The following CELSR1 variants were observed in gnomAD, a reference collection of about 807,000 sequenced individuals.
The protein encoded by CELSR1 is cadherin EGF LAG seven-pass G-type receptor 1.
A neutral mutation model predicts 249.1 loss-of-function variants in CELSR1; 110 were observed. The ratio of observed to expected loss-of-function variants is 0.44; its 90% confidence interval spans 0.38 to 0.52. CELSR1 has a LOEUF of 0.52. CELSR1 is among the 20% of genes least tolerant of loss of function. CELSR1 has a pLI of 0.00. For missense variants in CELSR1, 4,109 were observed against 4,296.4 expected (o/e 0.96, Z 1.22); for synonymous variants, 2,113 against 1,900.0 (o/e 1.11, Z -2.92).
Position 46,393,279 on chromosome 22 carries a change from A to G in CELSR1, c.5964+863T>C, listed in dbSNP as rs1424945577. Among the ~76,000 whole-genome samples the G allele has an allele frequency of 1.3e-5, 2 of 152,208 alleles. No individual in the cohort carries two copies. The highest frequency in any genetic ancestry group is 1.9e-4 in the East Asian group (1 of 5,196). ...CTGAGAGGGCTGGGGAGGGGTCCCT[A>G]GAGTCTGCACTGAGAACGCGTGTGC... On this transcript the variant is annotated intron_variant, in intron 14 of 34. Coordinates refer to ENST00000674500, the MANE Select transcript of CELSR1 (RefSeq NM_001378328.1). This position sits in a 1 kb window ranked among gnomAD's most constrained non-coding sequence, Gnocchi z 4.1.
chr22:46,506,306 GC>G lies in CELSR1; in HGVS notation c.3544+27320del, dbSNP rs1353254614. Among the ~76,000 whole-genome samples, 1 of 152,200 alleles carries G rather than the reference GC, an allele frequency of 6.6e-6. No individual in the cohort carries two copies. ...CCTCCAAGCCTGGCACCTCCACCGTGCCTGGCCTGGGGGAGCAGCAGAGCCC... is the reference window on the plus strand; with the variant it reads ...CCTCCAAGCCTGGCACCTCCACCGTGCTGGCCTGGGGGAGCAGCAGAGCCC... On this transcript the variant is annotated intron_variant, in intron 1 of 34. Transcript: ENST00000674500. This position sits in a 1 kb window ranked among gnomAD's most constrained non-coding sequence, Gnocchi z 4.1.
At chr22:46,371,542 CCACTCACTCATCCCATCCACCCACTG>C (rs2147182223) in intron 25 of CELSR1, among the ~76,000 whole-genome samples, 1 of 152,194 alleles carries the variant, frequency 6.6e-6, no homozygotes, top group Non-Finnish European at 1.5e-5. Context: ...ATTCATTCAT[CCACTCACTCATCCCATCCACCCACTG>C]CACCCACCCA....
At position 46,471,286 on chromosome 22, in the gene CELSR1, A is replaced by G. The variant is rs979651579; in HGVS notation, c.3545-6941T>C. ...TTGTTTTTATAAAACTTAATTTTGA[A>G]ACAGTTTTAGATTTACAAAAAAATT... is the stretch of plus-strand genomic sequence containing the variant. On this transcript the variant is annotated intron_variant, in intron 1 of 34. Coordinates refer to ENST00000674500, the MANE Select transcript of CELSR1 (RefSeq NM_001378328.1). The surrounding 1 kb of genome is among the most constrained non-coding windows in gnomAD (Gnocchi z 4.9). Among the ~76,000 whole-genome samples, 16 of 152,160 alleles carry G rather than the reference A, an allele frequency of 1.1e-4. No individual in the cohort carries two copies. The highest frequency in any genetic ancestry group is 3.1e-4 in the African/African-American group (13 of 41,442).
At chr22:46,475,662 G>GGGT (rs1364895086) in intron 1 of CELSR1, among the ~76,000 whole-genome samples, 6 of 150,302 alleles carry the variant, frequency 4.0e-5, no homozygotes, top group African/African-American at 9.7e-5. Flanking sequence ...AAACGAATGG[G>GGGT]GGGGGAAGAA....
chr22:46,386,793 G>A lies in CELSR1; in HGVS notation c.6556-208C>T, dbSNP rs191973893. On this transcript the variant is annotated intron_variant, in intron 18 of 34. Coordinates refer to ENST00000674500, the MANE Select transcript of CELSR1 (RefSeq NM_001378328.1). Reference sequence around the variant, plus strand: ...TTTGAGACACACTTCCGCTCTTGTCGCCCAGGCTGGAATGCAGTGGTGTCA... The same window carrying A: ...TTTGAGACACACTTCCGCTCTTGTCACCCAGGCTGGAATGCAGTGGTGTCA... 4.9e-3 allele frequency among the ~76,000 whole-genome samples: 747 copies of A among 151,950 alleles called. 1 individual carries two copies. Among genetic ancestry groups the A allele is most frequent in the Non-Finnish European group, 7.5e-3 (511 of 67,968 alleles).
chr22:46,367,852 G>A lies in CELSR1; in HGVS notation c.7956C>T (p.Ser2652=), dbSNP rs2078804312. 4 of 1,609,282 alleles carry A rather than the reference G, an allele frequency of 2.5e-6. No homozygotes were observed. The highest frequency in any genetic ancestry group is 1.1e-5 in the South Asian group (1 of 89,990). The change falls in exon 28 of 35, where the codon TCC becomes TCT. Residue 2652 remains serine (S), a synonymous_variant. Transcript: ENST00000674500. ...GCAGGAGGAATGCGGTCCTCAGCAG[G>A]GAGCTGCGGGAGGGCAGGATCAGGC... ...HHYYGKKGIV[S]LLRTAFLLLL...
rs374670122 is a variant in CELSR1 at position 46,385,928 on chromosome 22, T to C, written c.6739+474A>G. Among the ~76,000 whole-genome samples, 1,045 of 149,432 alleles carry C rather than the reference T, an allele frequency of 7.0e-3. 13 individuals are homozygous for C. The highest frequency in any genetic ancestry group is 0.025 in the African/African-American group (971 of 39,422). On this transcript the variant is annotated intron_variant, in intron 19 of 34. Coordinates refer to ENST00000674500, the MANE Select transcript of CELSR1 (RefSeq NM_001378328.1). ...TCCTGACCCTGTGATCCGCCCACCT[T>C]GGCCTCCCAAATTGCTGGGATTACA...
Position 46,405,559 on chromosome 22 carries a change from T to A in CELSR1, c.5226+3437A>T, listed in dbSNP as rs553080672. ...GATCAGTGATAAAAGTGATGTTATA[T>A]CTACAAACAAAAGTGATATCCACAG... On this transcript the variant is annotated intron_variant, in intron 9 of 34. Coordinates refer to ENST00000674500, the MANE Select transcript of CELSR1 (RefSeq NM_001378328.1). Among the ~76,000 whole-genome samples, 57 of 152,178 alleles carry A rather than the reference T, an allele frequency of 3.7e-4. 1 individual carries two copies. In the South Asian group the frequency reaches 0.011, roughly 29 times the overall value.
rs1396999543 is a variant in CELSR1, at chr22:46,409,462, G to A, written c.5059+293C>T. Among the ~76,000 whole-genome samples, 1 of 152,166 alleles carries A rather than the reference G, an allele frequency of 6.6e-6. No homozygotes were observed. On this transcript the variant is annotated intron_variant, in intron 8 of 34. Coordinates refer to ENST00000674500, the MANE Select transcript of CELSR1 (RefSeq NM_001378328.1). This position sits in a 1 kb window ranked among gnomAD's most constrained non-coding sequence, Gnocchi z 9.8. ...GGCTTGACAGGAGGCAGACGGGGGC[G>A]GGTTCAGGATCCCTGGGCTCCGTGG...
chr22:46,399,950 A>T lies in CELSR1; in HGVS notation c.5227-48T>A. Reference sequence around the variant, plus strand: ...GACTGATTGGTACAATGACAATGAAAGAGAAAACATTTTGCAGTCACTTAA... The same window carrying T: ...GACTGATTGGTACAATGACAATGAATGAGAAAACATTTTGCAGTCACTTAA... On this transcript the variant is annotated intron_variant, in intron 9 of 34. Transcript: ENST00000674500. The surrounding 1 kb of genome is among the most constrained non-coding windows in gnomAD (Gnocchi z 5.0). 5.7e-6 allele frequency: 9 copies of T among 1,579,302 alleles called. No homozygotes were observed. The highest frequency in any genetic ancestry group is 6.9e-6 in the Non-Finnish European group (8 of 1,154,326).
At chr22:46,384,182 C>G (rs955470587) in intron 20 of CELSR1, among the ~76,000 whole-genome samples, 3 of 151,062 alleles carry the variant, frequency 2.0e-5, no homozygotes, top group Non-Finnish European at 4.4e-5. Flanking sequence ...GTGATCTGCC[C>G]GCCTCGGCCT....
At position 46,535,773 on chromosome 22, in the gene CELSR1, G is replaced by T. The variant is rs571227655; in HGVS notation, c.1398C>A (p.Val466=). The change falls in exon 1 of 35, where the codon GTC becomes GTA. Residue 466 remains valine, a synonymous_variant. Coordinates refer to ENST00000674500, the MANE Select transcript of CELSR1 (RefSeq NM_001378328.1). ...TGAGCCCCACGTCCTCGGGCACCTG[G>T]ACCACGTAGTTCTGCTCGCTGAACT... is the stretch of plus-strand genomic sequence containing the variant. ...YPQFSEQNYV[V]QVPEDVGLNT... 2.8e-5 allele frequency: 45 copies of T among 1,612,486 alleles called. No individual in the cohort carries two copies. The South Asian group carries it at 4.7e-4, about 17-fold the overall frequency.
In CELSR1 at chr22:46,408,772, G is replaced by GGGCCCCAGGGTTGGCCC. The variant is rs1311301265; in HGVS notation, c.5226+207_5226+223dup. ...ACCAGAACTGCCGCTGAGCTCTGCTGGGCCCCAGGGTTGGCCCAGCCCCAT... is the reference window on the plus strand; with the variant it reads ...ACCAGAACTGCCGCTGAGCTCTGCTGGGCCCCAGGGTTGGCCCGGCCCCAGGGTTGGCCCAGCCCCAT... On this transcript the variant is annotated intron_variant, in intron 9 of 34. Transcript: ENST00000674500. The surrounding 1 kb of genome is among the most constrained non-coding windows in gnomAD (Gnocchi z 4.6). Among the ~76,000 whole-genome samples the GGGCCCCAGGGTTGGCCC allele has an allele frequency of 6.6e-6, 1 of 152,196 alleles. No homozygotes were observed. Among genetic ancestry groups the GGGCCCCAGGGTTGGCCC allele is most frequent in the East Asian group, 1.9e-4 (1 of 5,182 alleles).
chr22:46,385,093 A>C (rs1485265284), intron 19 of CELSR1, among the ~76,000 whole-genome samples: 1 of 151,320 alleles, frequency 6.6e-6, no homozygotes, highest in Non-Finnish European at 1.5e-5. Flanking sequence ...CGCCCAGCCT[A>C]TTTACTTATA....
Position 46,411,688 on chromosome 22 carries a change from A to G in CELSR1, c.4683T>C (p.Asp1561=), listed in dbSNP as rs147486726. ...AGCGCACAGCCATGGTTGTGTCACA[A>G]TCATCCACTGTCACCACGGCCATCT... ...GEKMAVVTVD[D]CDTTMAVRFG... The change falls in exon 6 of 35, where the codon GAT becomes GAC. Residue 1561 remains aspartate (D), a synonymous_variant. Transcript: ENST00000674500. The surrounding 1 kb of genome is among the most constrained non-coding windows in gnomAD (Gnocchi z 4.2). The G allele has an allele frequency of 2.3e-4, 365 of 1,614,208 alleles. 1 individual carries two copies. The African/African-American group carries it at 3.9e-3, about 17-fold the overall frequency.
At chr22:46,499,604 G>C (rs1389079544) in intron 1 of CELSR1, among the ~76,000 whole-genome samples, 3 of 152,144 alleles carry the variant, frequency 2.0e-5, no homozygotes, top group African/African-American at 7.2e-5. Flanking sequence ...GCAAAGACTT[G>C]TCCCAAGGAC....
Position 46,366,585 on chromosome 22 carries a change from GCTGGGCCCCTGC to G in CELSR1, c.8206-117_8206-106del, listed in dbSNP as rs1401294036. 5.4e-6 allele frequency: 5 copies of G among 920,378 alleles called. No individual in the cohort carries two copies. In the Admixed American group the frequency reaches 8.3e-5, roughly 15 times the overall value. The allele number at this position is 920,378 out of a possible 1,614,324, so 57.0% of individuals were successfully genotyped here. A position where few individuals can be genotyped will look rare whatever the true frequency, so the allele number is the denominator to read the frequency against. ...GCAAGCCCCCCACACCCACACCCTG[GCTGGGCCCCTGC>G]CTGGCACACAGGAGGAGCTGGCCCC... On this transcript the variant is annotated intron_variant, in intron 29 of 34. Transcript: ENST00000674500.
chr22:46,409,650 G>T lies in CELSR1; in HGVS notation c.5059+105C>A. The T allele has an allele frequency of 7.2e-7, 1 of 1,387,492 alleles. No homozygotes were observed. The highest frequency in any genetic ancestry group is 1.0e-6 in the Non-Finnish European group (1 of 997,700). The allele number at this position is 1,387,492 out of a possible 1,614,324, so 85.9% of individuals were successfully genotyped here. Reference sequence around the variant, plus strand: ...AATGCAGCATATACCACCAGAGGCTGCCGGACCTGGATGTGAAGCCCCCTC... The same window carrying T: ...AATGCAGCATATACCACCAGAGGCTTCCGGACCTGGATGTGAAGCCCCCTC... On this transcript the variant is annotated intron_variant, in intron 8 of 34. Coordinates refer to ENST00000674500, the MANE Select transcript of CELSR1 (RefSeq NM_001378328.1). The surrounding 1 kb of genome is among the most constrained non-coding windows in gnomAD (Gnocchi z 9.8).
intron 29 of CELSR1, among the ~76,000 whole-genome samples, chr22:46,366,696 CAG>C (rs2078786861): frequency 6.6e-6 from 1 of 152,208 alleles, no homozygotes; most frequent in African/African-American, 2.4e-5. Context: ...GCGCTGTGGT[CAG>C]GGGCTGCCGC....
Sources: allele counts gnomAD v4.1 joint callset (sites outside exome capture counted in the v4.1 genomes callset), GRCh38; gene constraint gnomAD v4.1.1; non-coding constraint Gnocchi (gnomAD v3.1); transcripts MANE v1.5; gene names NCBI Gene and HGNC (gene_info 2026-07-23, HGNC 2026-07-21).